Variants in NRCAM observed in about 807,000 individuals in gnomAD.
NRCAM encodes NgCAM-related cell adhesion molecule.
A neutral mutation model predicts 156.5 loss-of-function variants in NRCAM; 83 were observed. The observed-to-expected ratio is 0.53, with a 90% CI of 0.44 to 0.64. The LOEUF (loss-of-function observed/expected upper bound fraction) is 0.64. Ranked by LOEUF, NRCAM falls within the 30% of genes least tolerant of loss-of-function variation. NRCAM has a pLI of 0.00. For missense variants in NRCAM, 1,417 were observed against 1,597.3 expected (o/e 0.89, Z 1.92); for synonymous variants, 538 against 563.9 (o/e 0.95, Z 0.65).
At chr7:108,169,744 C>T (rs2057290956) in intron 28 of NRCAM, among the ~76,000 whole-genome samples, 1 of 152,102 alleles carries the variant, frequency 6.6e-6, no homozygotes, top group African/African-American at 2.4e-5. Flanking sequence ...GGAATATGAT[C>T]AATCAATGAC....
rs2073560550 is a variant in NRCAM, at chr7:108,194,042, T to G, written c.1760A>C (p.Glu587Ala). Reference sequence around the variant, plus strand: ...CAAATACCTTTCATCACTGGGCAGTTCCCTGTTGTCCTTCAGCCACAGGAC... The same window carrying G: ...CAAATACCTTTCATCACTGGGCAGTGCCCTGTTGTCCTTCAGCCACAGGAC... The part of the protein sequence containing the change: ...LTVLWLKDNR[E>A]LPSDERFTVD... The change falls in exon 17 of 33, where the codon GAA becomes GCA. Residue 587 changes from glutamate (E) to alanine (A), a missense_variant. Physicochemically the swap from Glu to Ala is moderately radical, Grantham distance 107 (BLOSUM62 -1). This residue lies in a region of NRCAM where 1,238 missense variants were observed against 1,336.4 expected (regional missense o/e 0.93). Transcript: ENST00000379028. 1 of 1,614,032 alleles carries G rather than the reference T, an allele frequency of 6.2e-7. No individual in the cohort carries two copies. The highest frequency in any genetic ancestry group is 8.5e-7 in the Non-Finnish European group (1 of 1,179,966).
At chr7:108,444,722 T>C (rs1842505514) in intron 1 of NRCAM, among the ~76,000 whole-genome samples, 1 of 152,196 alleles carries the variant, frequency 6.6e-6, no homozygotes, top group Admixed American at 6.5e-5. Context: ...TAATCATATA[T>C]GGATTGGGGC....
At chr7:108,193,924 A>C (rs1476155745) in intron 17 of NRCAM, 100 bp downstream of exon 17, 23 of 1,236,742 alleles carry the variant, frequency 1.9e-5, no homozygotes, top group Admixed American at 9.5e-5. Flanking sequence ...AGACTTCAGA[A>C]ACTAAAAACA....
chr7:108,340,275 G>C (rs2099261093), intron 2 of NRCAM, among the ~76,000 whole-genome samples: 1 of 151,756 alleles, frequency 6.6e-6, no homozygotes, highest in Admixed American at 6.6e-5. Flanking sequence ...CAAGCAGTGG[G>C]AGGAGGAGAA....
intron 13 of NRCAM, among the ~76,000 whole-genome samples, chr7:108,198,344 T>A (rs2076210232): frequency 6.6e-6 from 1 of 152,076 alleles, no homozygotes; most frequent in Admixed American, 6.6e-5. Flanking sequence ...GTATTATTTA[T>A]TTTTATTTTT....
chr7:108,334,690 G>A (rs2099161069), intron 2 of NRCAM, among the ~76,000 whole-genome samples: 1 of 152,166 alleles, frequency 6.6e-6, no homozygotes, highest in Non-Finnish European at 1.5e-5. Context: ...AGCCAACATG[G>A]GGGCATGGCC....
intron 3 of NRCAM, among the ~76,000 whole-genome samples, chr7:108,307,922 C>A (rs1465420941): frequency 6.6e-6 from 1 of 152,220 alleles, no homozygotes; most frequent in South Asian, 2.1e-4. Flanking sequence ...CCTAGGCACA[C>A]ATGTCTACCT....
At chr7:108,255,965 GC>G (rs1338160897) in intron 3 of NRCAM, among the ~76,000 whole-genome samples, 1 of 151,086 alleles carries the variant, frequency 6.6e-6, no homozygotes, top group Non-Finnish European at 1.5e-5. Context: ...GAGGTGGGGG[GC>G]AGCCCCCGCC....
chr7:108,360,767 T>A (rs1049247960), intron 2 of NRCAM, among the ~76,000 whole-genome samples: 2 of 152,160 alleles, frequency 1.3e-5, no homozygotes, highest in African/African-American at 4.8e-5. Context: ...CAACAAATGG[T>A]GTTGGGATAA....
At chr7:108,427,508 A>G (rs12705468) in intron 1 of NRCAM, among the ~76,000 whole-genome samples, 136,860 of 152,248 alleles carry the variant, frequency 0.9, 61,992 homozygotes, top group East Asian at 1. Flanking sequence ...AGTACAATTT[A>G]TTCTCTCCAA....
intron 2 of NRCAM, among the ~76,000 whole-genome samples, chr7:108,341,989 C>T (rs2099286001): frequency 6.6e-6 from 1 of 152,208 alleles, no homozygotes; most frequent in African/African-American, 2.4e-5. Flanking sequence ...CCTTTTTCTG[C>T]ATCCCTGTAC....
chr7:108,455,259 G>A (rs1013293138), intron 1 of NRCAM, among the ~76,000 whole-genome samples: 1 of 152,184 alleles, frequency 6.6e-6, no homozygotes, highest in Non-Finnish European at 1.5e-5. Context: ...CTGGCCAACC[G>A]CCTGGGACCA....
intron 11 of NRCAM, among the ~76,000 whole-genome samples, chr7:108,218,264 C>T (rs1264599902): frequency 6.6e-6 from 1 of 151,884 alleles, no homozygotes; most frequent in African/African-American, 2.4e-5. Flanking sequence ...GGGCTGCTTC[C>T]ACTGTCTAAC....
chr7:108,222,549 A>AT (rs1005984292), intron 11 of NRCAM, among the ~76,000 whole-genome samples: 2 of 151,580 alleles, frequency 1.3e-5, no homozygotes, highest in African/African-American at 2.4e-5. Flanking sequence ...AACTGGGAGG[A>AT]TTTTTTTTTC....
At chr7:108,411,130 A>G (rs1794864216) in intron 1 of NRCAM, among the ~76,000 whole-genome samples, 1 of 152,136 alleles carries the variant, frequency 6.6e-6, no homozygotes, top group Non-Finnish European at 1.5e-5. Flanking sequence ...TTTTTCTTCA[A>G]TTCATAAAAA....
chr7:108,372,570 G>C (rs11772893), intron 2 of NRCAM, among the ~76,000 whole-genome samples: 107,061 of 151,976 alleles, frequency 0.7, 38,156 homozygotes, highest in East Asian at 0.93. Context: ...AAAGAAGAAA[G>C]AGAAATGGCC....
At chr7:108,168,199 A>C in intron 29 of NRCAM, 78 bp downstream of exon 29, 1 of 1,362,712 alleles carries the variant, frequency 7.3e-7, no homozygotes, top group Non-Finnish European at 9.6e-7. Flanking sequence ...GATCCATAGT[A>C]AATTCTTAAG....
At chr7:108,296,705 G>C (rs1592153107) in intron 3 of NRCAM, among the ~76,000 whole-genome samples, 1 of 152,238 alleles carries the variant, frequency 6.6e-6, no homozygotes, top group East Asian at 1.9e-4. Context: ...TGGCTTTAAT[G>C]TTAGTACTAC....
At chr7:108,406,565 G>T (rs2099808048) in intron 1 of NRCAM, among the ~76,000 whole-genome samples, 1 of 152,108 alleles carries the variant, frequency 6.6e-6, no homozygotes, top group Non-Finnish European at 1.5e-5. Flanking sequence ...TTCTGAAATG[G>T]CCAAAAACTA....
Sources: gnomAD v4.1 joint callset for allele counts (sites outside exome capture counted in the v4.1 genomes callset) on GRCh38, gnomAD v4.1.1 for gene constraint, gnomAD v4.1.1 regional missense constraint, MANE v1.5 for transcripts, NCBI Gene and HGNC (gene_info 2026-07-23, HGNC 2026-07-21) for gene names.